Variants in ABL2 observed in about 807,000 individuals in gnomAD.
The protein encoded by ABL2 is tyrosine-protein kinase ABL2.
Under a neutral mutation model 107.7 loss-of-function variants are expected in ABL2, and 49 were observed. The observed-to-expected ratio is 0.45, with a 90% CI of 0.36 to 0.58. The LOEUF (loss-of-function observed/expected upper bound fraction) is 0.58. Ranked by LOEUF, ABL2 falls within the 20% of genes least tolerant of loss-of-function variation. The pLI is 0.00. For synonymous variants in ABL2, 549 were observed against 548.6 expected, an observed-to-expected ratio of 1.00 and a Z score of -0.01; for missense variants, 1,245 against 1,457.0, an observed-to-expected ratio of 0.85 and a Z score of 2.37.
At chr1:179,152,040 A>T (rs2102732818) in intron 1 of ABL2, among the ~76,000 whole-genome samples, 1 of 152,320 alleles carries the variant, frequency 6.6e-6, no homozygotes, top group Non-Finnish European at 1.5e-5. Context: ...TAAGCAGAAA[A>T]AAACAATATA....
chr1:179,122,565 T>A (rs1266001963), intron 4 of ABL2, among the ~76,000 whole-genome samples: 1 of 152,088 alleles, frequency 6.6e-6, no homozygotes, highest in Non-Finnish European at 1.5e-5. Flanking sequence ...TCTCTCTGGA[T>A]AATCAAGCTC....
At chr1:179,195,057 G>GC (rs1420915153) in intron 1 of ABL2, among the ~76,000 whole-genome samples, 4 of 152,152 alleles carry the variant, frequency 2.6e-5, no homozygotes, top group African/African-American at 9.7e-5. Context: ...GGAGCCTGAG[G>GC]CAGGTGGATT....
At chr1:179,121,524 A>G in intron 5 of ABL2, 71 bp downstream of exon 5, 1 of 1,550,194 alleles carries the variant, frequency 6.5e-7, no homozygotes. Context: ...AAAGAAGGGC[A>G]TGCTGATATT....
intron 1 of ABL2, among the ~76,000 whole-genome samples, chr1:179,133,678 C>T (rs1656571663): frequency 1.3e-5 from 2 of 152,124 alleles, no homozygotes; most frequent in African/African-American, 4.8e-5. Context: ...ATAGTAGTCC[C>T]CCTTATCCAT....
In ABL2 at chr1:179,100,368, G is replaced by A. The variant is rs1257517006; in HGVS notation, c.*7350C>T. On this transcript the variant is annotated 3_prime_UTR_variant, in exon 12 of 12. Transcript: ENST00000502732. ...TGCAGAACAGTATCTGAGGTTTACT[G>A]TTGATGACACTAAAGCGTTCCCAGT... 4.4e-6 allele frequency: 1 copy of A among 227,256 alleles called. No homozygotes were observed. The highest frequency in any genetic ancestry group is 6.3e-5 in the East Asian group (1 of 15,790). 14.1% of individuals were successfully genotyped at this position (227,256 alleles called of 1,614,324 possible). A position where few individuals can be genotyped will look rare whatever the true frequency, so the allele number is the denominator to read the frequency against.
chr1:179,117,763 T>G (rs1654792477), intron 7 of ABL2, among the ~76,000 whole-genome samples: 1 of 152,080 alleles, frequency 6.6e-6, no homozygotes, highest in Non-Finnish European at 1.5e-5. Flanking sequence ...CTGGGATAGG[T>G]GAGCAATAGA....
At chr1:179,207,655 A>G (rs991895523) in intron 1 of ABL2, among the ~76,000 whole-genome samples, 1 of 152,164 alleles carries the variant, frequency 6.6e-6, no homozygotes, top group Non-Finnish European at 1.5e-5. Context: ...TAGCATACCT[A>G]TTTTACTGGT....
chr1:179,195,750 T>C (rs566565864), intron 1 of ABL2, among the ~76,000 whole-genome samples: 27 of 152,224 alleles, frequency 1.8e-4, no homozygotes, highest in African/African-American at 5.5e-4. Flanking sequence ...AGATGTACCT[T>C]GAAGATTAAG....
intron 4 of ABL2, among the ~76,000 whole-genome samples, chr1:179,124,464 C>CTGTTTTTT (rs1655541215): frequency 1.2e-5 from 1 of 83,350 alleles, no homozygotes; most frequent in Non-Finnish European, 2.1e-5. Flanking sequence ...TTAGCTTCTG[C>CTGTTTTTT]TTTTTTTTTT....
At chr1:179,117,589 G>T in intron 7 of ABL2, 73 bp from the exon 8 acceptor site, 1 of 1,513,816 alleles carries the variant, frequency 6.6e-7, no homozygotes, top group Non-Finnish European at 9.0e-7. Context: ...TCTATTCTTG[G>T]TTTTGTGTTA....
chr1:179,227,054 G>A (rs1663257574), intron 1 of ABL2, among the ~76,000 whole-genome samples: 1 of 152,096 alleles, frequency 6.6e-6, no homozygotes, highest in Non-Finnish European at 1.5e-5. Flanking sequence ...ACCACTCAAG[G>A]CCAGTCTTTC....
chr1:179,143,086 A>G (rs1310903704), intron 1 of ABL2: 1 of 1,601,632 alleles, frequency 6.2e-7, no homozygotes, highest in Non-Finnish European at 8.5e-7. Context: ...TTCTGTGTAA[A>G]GAGGAAGTCT....
chr1:179,214,519 C>CATATATATATATATATATATATATAT (rs59744061), intron 1 of ABL2, among the ~76,000 whole-genome samples: 3 of 122,146 alleles, frequency 2.5e-5, no homozygotes, highest in Non-Finnish European at 5.1e-5. Flanking sequence ...TTTAAAATGA[C>CATATATATATATATATATATATATAT]ATATATATAT....
chr1:179,142,459 T>TA (rs1411168888), intron 1 of ABL2, among the ~76,000 whole-genome samples: 1 of 152,232 alleles, frequency 6.6e-6, no homozygotes, highest in Admixed American at 6.5e-5. Context: ...TTTCACCAGT[T>TA]AGTCATTCAG....
At chr1:179,159,888 CG>C (rs1348907979) in intron 1 of ABL2, among the ~76,000 whole-genome samples, 1 of 152,054 alleles carries the variant, frequency 6.6e-6, no homozygotes. Context: ...CCAAGGTGGG[CG>C]TATCAACTGA....
At chr1:179,202,560 CCTTA>C (rs1661733561) in intron 1 of ABL2, among the ~76,000 whole-genome samples, 1 of 152,192 alleles carries the variant, frequency 6.6e-6, no homozygotes, top group Non-Finnish European at 1.5e-5. Context: ...ATGTGTACTT[CCTTA>C]GTTTTTGGTT....
chr1:179,113,946 A>T (rs1347885732), intron 9 of ABL2, among the ~76,000 whole-genome samples: 1 of 146,494 alleles, frequency 6.8e-6, no homozygotes, highest in East Asian at 2.1e-4. Context: ...AAAATAAATA[A>T]ATAAATAAAT....
rs1656298147 is a variant in ABL2, at chr1:179,131,298, A to G, written c.391+13T>C. ...AAACTGAAAAGTGAAAGGATGCTACATAGAAGCCTCACCTTTAGTGATGCT... is the reference window on the plus strand; with the variant it reads ...AAACTGAAAAGTGAAAGGATGCTACGTAGAAGCCTCACCTTTAGTGATGCT... On this transcript the variant is annotated intron_variant, in intron 3 of 11. Coordinates refer to ENST00000502732, the MANE Select transcript of ABL2 (RefSeq NM_007314.4). The G allele has an allele frequency of 1.2e-6, 2 of 1,611,456 alleles. No individual in the cohort carries two copies. Among genetic ancestry groups the G allele is most frequent in the East Asian group, 2.2e-5 (1 of 44,802 alleles).
intron 1 of ABL2, among the ~76,000 whole-genome samples, chr1:179,165,840 G>T: frequency 6.6e-6 from 1 of 151,710 alleles, no homozygotes; most frequent in Admixed American, 6.6e-5. Context: ...TTGTTGCCCA[G>T]GCTGGAGTGT....
Sources: allele counts gnomAD v4.1 joint callset (sites outside exome capture counted in the v4.1 genomes callset), GRCh38; gene constraint gnomAD v4.1.1; transcripts MANE v1.5; gene names NCBI Gene and HGNC (gene_info 2026-07-23, HGNC 2026-07-21).